The following ALG8 variants were observed in gnomAD, a reference collection of about 807,000 sequenced individuals.
The protein encoded by ALG8 is ALG8 alpha-1,3-glucosyltransferase, also known as dolichyl pyrophosphate Glc1Man9GlcNAc2 alpha-1,3-glucosyltransferase.
ALG8 carries 48 observed loss-of-function variants against 70.2 expected under a neutral mutation model. The ratio of observed to expected loss-of-function variants is 0.68; its 90% CI spans 0.54 to 0.87. The LOEUF is 0.87. ALG8 is among the 40% of genes least tolerant of loss of function. The pLI is 0.00. For synonymous variants in ALG8, 234 were observed against 229.0 expected, an observed-to-expected ratio of 1.02 and a Z score of -0.20; for missense variants, 572 against 608.7, an observed-to-expected ratio of 0.94 and a Z score of 0.64.
intron 11 of ALG8, 141 bp from the exon 12 acceptor site, chr11:78,104,193 T>C (rs1465061521): frequency 9.8e-6 from 9 of 920,502 alleles, no homozygotes; most frequent in Non-Finnish European, 1.5e-5. Context: ...TTGTGACATC[T>C]AGAGATGCTG....
At chr11:78,124,290 T>C in intron 2 of ALG8, 76 bp from the exon 3 acceptor site, 1 of 1,480,750 alleles carries the variant, frequency 6.8e-7, no homozygotes. Context: ...TTAAAATTTT[T>C]CATTCTCTGG....
At position 78,121,244 on chromosome 11, in the gene ALG8, A is replaced by T. The variant is rs773750460; in HGVS notation, c.369-70T>A. 21 of 1,053,368 alleles carry T rather than the reference A, an allele frequency of 2.0e-5. No homozygotes were observed. The South Asian group carries it at 2.5e-4, about 13-fold the overall frequency. 65.3% of individuals were successfully genotyped at this position (1,053,368 alleles called of 1,614,324 possible). A position where few individuals can be genotyped will look rare whatever the true frequency, so the allele number is the denominator to read the frequency against. On this transcript the variant is annotated intron_variant, in intron 3 of 12. Coordinates refer to ENST00000299626, the MANE Select transcript of ALG8 (RefSeq NM_024079.5). The stretch of plus-strand genomic sequence containing the variant: ...CATCGGAACATCACTTCTGCAGAGT[A>T]AACTATGATACATTAGTCATTCCTG...
chr11:78,113,956 A>T lies in ALG8; in HGVS notation c.707T>A (p.Val236Asp). The T allele has an allele frequency of 6.2e-7, 1 of 1,607,474 alleles. No homozygotes were observed. The highest frequency in any genetic ancestry group is 2.2e-5 in the East Asian group (1 of 44,782). The part of the protein sequence containing the change: ...GSIRWKSFSF[V>D]RVISLGLVVF... ...AACCAGTCCCAGGGAAATAACACGA[A>T]CAAAGCTGAAACTCTTCCATCGAAT... Residue 236 changes from valine (V) to aspartate (D), a missense_variant, in exon 7 of 13, where the codon GTT becomes GAT. Transcript: ENST00000299626.
At chr11:78,133,281 A>G (rs560816758) in intron 1 of ALG8, 3 of 152,238 alleles carry the variant, frequency 2.0e-5, no homozygotes, top group Non-Finnish European at 4.4e-5. Context: ...GCCTAGCAAC[A>G]GTACCTGGTA....
Position 78,121,216 on chromosome 11 carries a change from C to G in ALG8, c.369-42G>C, listed in dbSNP as rs777371572. 7.2e-6 allele frequency: 10 copies of G among 1,381,312 alleles called. No homozygotes were observed. In the East Asian group the frequency reaches 2.3e-4, roughly 32 times the overall value. 85.6% of individuals were successfully genotyped at this position (1,381,312 alleles called of 1,614,324 possible). ...GGAAAGAAACAGAAACAACTTTGAT[C>G]TTCATCGGAACATCACTTCTGCAGA... On this transcript the variant is annotated intron_variant, in intron 3 of 12. Coordinates refer to ENST00000299626, the MANE Select transcript of ALG8 (RefSeq NM_024079.5).
intron 1 of ALG8, among the ~76,000 whole-genome samples, chr11:78,137,066 TA>T (rs1861587875): frequency 6.6e-6 from 1 of 152,170 alleles, no homozygotes; most frequent in African/African-American, 2.4e-5. Context: ...CACGCCCAGC[TA>T]ATTTTGTATT....
rs1859807386 is a variant in ALG8, at chr11:78,101,817, A to G, written c.1350-622T>C. 2.0e-5 allele frequency among the ~76,000 whole-genome samples: 3 copies of G among 152,242 alleles called. No individual in the cohort carries two copies. In the South Asian group the frequency reaches 6.2e-4, roughly 32 times the overall value. ...GCTGTGACATTGGAATAAGAACATG[A>G]GAAACAATATAGAATTGAAGATTTA... On this transcript the variant is annotated intron_variant, in intron 12 of 12. Coordinates refer to ENST00000299626, the MANE Select transcript of ALG8 (RefSeq NM_024079.5).
At chr11:78,111,901 T>C (rs1237523315) in intron 8 of ALG8, among the ~76,000 whole-genome samples, 5 of 152,192 alleles carry the variant, frequency 3.3e-5, no homozygotes, top group Non-Finnish European at 5.9e-5. Flanking sequence ...CATGTTAAAA[T>C]GCAGGGTTAT....
At chr11:78,130,220 G>A (rs984561484) in intron 1 of ALG8, among the ~76,000 whole-genome samples, 2 of 151,758 alleles carry the variant, frequency 1.3e-5, no homozygotes, top group African/African-American at 2.4e-5. Flanking sequence ...ATGGCGGCAC[G>A]CCCCTGTAGT....
At chr11:78,132,703 G>A (rs781500015) in intron 1 of ALG8, among the ~76,000 whole-genome samples, 2 of 152,104 alleles carry the variant, frequency 1.3e-5, no homozygotes, top group Non-Finnish European at 2.9e-5. Flanking sequence ...CACATACTCT[G>A]CATGGATGGC....
chr11:78,118,673 G>A (rs1011258107), intron 5 of ALG8, among the ~76,000 whole-genome samples: 42 of 151,474 alleles, frequency 2.8e-4, no homozygotes, highest in Non-Finnish European at 5.9e-5. Context: ...GGCAGGCACA[G>A]GGGCTCATGC....
intron 5 of ALG8, 152 bp from the exon 6 acceptor site, chr11:78,114,544 G>A: frequency 1.0e-6 from 1 of 953,866 alleles, no homozygotes; most frequent in Non-Finnish European, 1.6e-6. Context: ...TCTTAGTCTT[G>A]ATGAATGTAC....
intron 1 of ALG8, chr11:78,138,712 T>A (rs541401162): frequency 2.2e-6 from 1 of 456,348 alleles, no homozygotes; most frequent in African/African-American, 2.0e-5. Flanking sequence ...GTACCTACTG[T>A]ATACACACCA....
At chr11:78,135,247 T>G (rs1861489979) in intron 1 of ALG8, 1 of 151,892 alleles carries the variant, frequency 6.6e-6, no homozygotes, top group South Asian at 2.1e-4. Flanking sequence ...CCCAGCTACT[T>G]GGCAGGTTGA....
rs180676895 is a variant in ALG8, at chr11:78,136,766, T to C, written c.95+2728A>G. Among the ~76,000 whole-genome samples the C allele has an allele frequency of 2.8e-3, 428 of 152,334 alleles. 3 individuals are homozygous for C. The highest frequency in any genetic ancestry group is 0.024 in the Middle Eastern group (7 of 294). ...TCTTCCAATGTAAGTCTGTTTCTTC[T>C]ACCTTGAAAACCTATTGTTTAGTGT... On this transcript the variant is annotated intron_variant, in intron 1 of 12. Transcript: ENST00000299626.
intron 5 of ALG8, 94 bp from the exon 6 acceptor site, chr11:78,114,486 G>C (rs1403222475): frequency 7.0e-7 from 1 of 1,435,132 alleles, no homozygotes; most frequent in Admixed American, 1.9e-5. Flanking sequence ...AACAGAACAA[G>C]GACATTAAAG....
intron 1 of ALG8, among the ~76,000 whole-genome samples, chr11:78,132,990 C>T (rs1396958835): frequency 1.3e-5 from 2 of 152,198 alleles, no homozygotes; most frequent in East Asian, 3.9e-4. Flanking sequence ...GCGCCCACCA[C>T]CACACCCGGC....
At position 78,139,479 on chromosome 11, in the gene ALG8, G is replaced by A. The variant is rs1414083217; in HGVS notation, c.95+15C>T. 3.2e-6 allele frequency: 5 copies of A among 1,553,408 alleles called. No homozygotes were observed. The highest frequency in any genetic ancestry group is 4.4e-6 in the Non-Finnish European group (5 of 1,147,934). On this transcript the variant is annotated intron_variant, in intron 1 of 12. Transcript: ENST00000299626. ...GGGCCTCCCCGCCCAGCCCCTGGCC[G>A]TGCGAGTCCCTTACTATGTGGGGAT...
chr11:78,139,509 AG>A lies in ALG8; in HGVS notation c.79del (p.Leu27PhefsTer64), dbSNP rs1341165780. 6.4e-7 allele frequency: 1 copy of A among 1,560,486 alleles called. No homozygotes were observed. The highest frequency in any genetic ancestry group is 1.4e-5 in the African/African-American group (1 of 73,560). On this transcript the variant is annotated frameshift_variant, in exon 1 of 13. Transcript: ENST00000299626. LOFTEE classifies it high-confidence loss of function. ...LALGVTLLKC[L>X]LIPTYHSTDF... ...AGTCCCTTACTATGTGGGGATGAGA[AG>A]GCATTTGAGAAGAGTCACCCCGAGC...
Sources: gnomAD v4.1 joint callset for allele counts (sites outside exome capture counted in the v4.1 genomes callset) on GRCh38, gnomAD v4.1.1 for gene constraint, MANE v1.5 for transcripts, NCBI Gene and HGNC (gene_info 2026-07-23, HGNC 2026-07-21) for gene names.